GALNT13: variants seen among roughly 807,000 people sequenced by gnomAD.
The protein encoded by GALNT13 is polypeptide N-acetylgalactosaminyltransferase 13, also known as UDP-GalNAc:polypeptide N-acetylgalactosaminyltransferase 13.
GALNT13 carries 28 observed loss-of-function variants against 64.2 expected under a neutral mutation model. The ratio of observed to expected loss-of-function variants is 0.44; its 90% confidence interval spans 0.32 to 0.60. The LOEUF (loss-of-function observed/expected upper bound fraction) is 0.60. GALNT13 is among the 20% of genes least tolerant of loss of function. The pLI is 0.05. For synonymous variants in GALNT13, 214 were observed against 224.6 expected (o/e 0.95, Z 0.42); for missense variants, 577 against 669.8 (o/e 0.86, Z 1.53).
At chr2:154,162,663 AAC>A (rs1185750652) in intron 4 of GALNT13, among the ~76,000 whole-genome samples, 1 of 152,198 alleles carries the variant, frequency 6.6e-6, no homozygotes, top group Non-Finnish European at 1.5e-5. Flanking sequence ...TCTTATAAAG[AAC>A]AGTGTTAGAT....
chr2:153,371,144 A>AT, the GALNT13 span: 3 of 153,234 alleles, frequency 2.0e-5, no homozygotes, highest in Admixed American at 6.5e-5. Flanking sequence ...TTTAACATCC[A>AT]TTTATGATAT....
At chr2:153,685,508 G>A in the GALNT13 span, among the ~76,000 whole-genome samples, 1 of 151,838 alleles carries the variant, frequency 6.6e-6, no homozygotes, top group South Asian at 2.1e-4. Context: ...TTTAAATGGG[G>A]TTGTTTATTT....
At chr2:154,242,322 T>C in intron 5 of GALNT13, 126 bp downstream of exon 5, 1 of 771,294 alleles carries the variant, frequency 1.3e-6, no homozygotes, top group Non-Finnish European at 2.0e-6. Flanking sequence ...CATTATAATT[T>C]TACTAGCCCT....
At chr2:153,741,632 G>A in the GALNT13 span, among the ~76,000 whole-genome samples, 1 of 151,920 alleles carries the variant, frequency 6.6e-6, no homozygotes, top group Non-Finnish European at 1.5e-5. Flanking sequence ...ACCAATGCCT[G>A]ATTTCAATGT....
the GALNT13 span, among the ~76,000 whole-genome samples, chr2:153,740,548 G>A: frequency 7.9e-5 from 12 of 151,938 alleles, no homozygotes; most frequent in Non-Finnish European, 1.6e-4. Flanking sequence ...TTTGGCATTC[G>A]TCTTTTCTCT....
the GALNT13 span, among the ~76,000 whole-genome samples, chr2:153,345,624 TTTTCC>T: frequency 8.8e-3 from 1,119 of 126,804 alleles, 9 homozygotes; most frequent in Middle Eastern, 0.014. Context: ...TTTTCTTTTC[TTTTCC>T]TTTCTTTTTC....
At chr2:154,277,780 A>C (rs568541172) in intron 8 of GALNT13, among the ~76,000 whole-genome samples, 1 of 152,300 alleles carries the variant, frequency 6.6e-6, no homozygotes, top group South Asian at 2.1e-4. Flanking sequence ...AATATTTACA[A>C]CATTTTCAAA....
At chr2:153,784,758 G>C in the GALNT13 span, among the ~76,000 whole-genome samples, 1 of 152,166 alleles carries the variant, frequency 6.6e-6, no homozygotes, top group Non-Finnish European at 1.5e-5. Context: ...ACAACACCTC[G>C]CAGGATAAGA....
intron 3 of GALNT13, among the ~76,000 whole-genome samples, chr2:153,992,696 T>C (rs1299664712): frequency 1.3e-5 from 2 of 152,130 alleles, no homozygotes; most frequent in African/African-American, 2.4e-5. Flanking sequence ...TGCAATATAT[T>C]GTCATGGGTT....
chr2:154,096,569 T>C (rs1399350632), intron 3 of GALNT13, among the ~76,000 whole-genome samples: 2 of 152,180 alleles, frequency 1.3e-5, no homozygotes, highest in East Asian at 3.9e-4. Flanking sequence ...TCTCAACTGA[T>C]ATTCTTGCTT....
At chr2:153,336,407 A>G in the GALNT13 span, among the ~76,000 whole-genome samples, 4 of 152,164 alleles carry the variant, frequency 2.6e-5, no homozygotes, top group African/African-American at 9.6e-5. Flanking sequence ...AAGACCATGG[A>G]AACCCACCTC....
chr2:153,590,208 T>C, the GALNT13 span, among the ~76,000 whole-genome samples: 1 of 152,226 alleles, frequency 6.6e-6, no homozygotes, highest in Non-Finnish European at 1.5e-5. Flanking sequence ...ATTATGAACA[T>C]ATATACACTT....
At chr2:154,387,482 G>A (rs926568963) in intron 9 of GALNT13, among the ~76,000 whole-genome samples, 4 of 152,086 alleles carry the variant, frequency 2.6e-5, no homozygotes, top group South Asian at 2.1e-4. Flanking sequence ...ACAATGCATC[G>A]TTGTTGACTA....
intron 1 of GALNT13, among the ~76,000 whole-genome samples, chr2:153,892,454 C>T (rs1035620327): frequency 2.6e-5 from 4 of 151,968 alleles, no homozygotes; most frequent in Non-Finnish European, 5.9e-5. Flanking sequence ...CCCATTTCTT[C>T]CATCCCATGT....
chr2:153,705,022 A>G, the GALNT13 span, among the ~76,000 whole-genome samples: 2 of 152,204 alleles, frequency 1.3e-5, no homozygotes, highest in East Asian at 3.8e-4. Context: ...GTCAACCACC[A>G]CAACATTGCA....
chr2:153,411,408 T>C, the GALNT13 span, among the ~76,000 whole-genome samples: 5 of 152,102 alleles, frequency 3.3e-5, no homozygotes, highest in South Asian at 2.1e-4. Flanking sequence ...ACAGGAATGG[T>C]ACCTGACCCA....
chr2:153,222,727 C>T, the GALNT13 span, among the ~76,000 whole-genome samples: 2,831 of 152,268 alleles, frequency 0.019, 367 homozygotes, highest in East Asian at 0.37. Context: ...GGTGTGTCAG[C>T]GCTGCCCGGA....
At chr2:153,315,891 G>A in the GALNT13 span, among the ~76,000 whole-genome samples, 8 of 152,032 alleles carry the variant, frequency 5.3e-5, no homozygotes, top group South Asian at 2.1e-4. Context: ...AGAAATATTT[G>A]CACCATTTAT....
intron 3 of GALNT13, among the ~76,000 whole-genome samples, chr2:153,973,189 A>G (rs1282764949): frequency 2.0e-5 from 3 of 152,008 alleles, no homozygotes; most frequent in African/African-American, 7.2e-5. Context: ...GTAGAGGCCA[A>G]GATAAAACTA....
Sources: allele counts gnomAD v4.1 joint callset (sites outside exome capture counted in the v4.1 genomes callset), GRCh38; gene constraint gnomAD v4.1.1; transcripts MANE v1.5; gene names NCBI Gene and HGNC (gene_info 2026-07-23, HGNC 2026-07-21).